Variants in ASB3 observed in about 807,000 individuals in gnomAD.
The protein encoded by ASB3 is ankyrin repeat and SOCS box protein 3.
In ASB3, 41 loss-of-function variants were observed where a neutral mutation model predicts 54.5. The ratio of observed to expected loss-of-function variants is 0.75; its 90% confidence interval spans 0.59 to 0.98. The LOEUF (loss-of-function observed/expected upper bound fraction) is 0.98, where lower values mean the gene tolerates loss of function less well. Ranked by LOEUF, ASB3 falls within the 50% of genes least tolerant of loss-of-function variation. ASB3 has a pLI of 0.00. For synonymous variants in ASB3, 266 were observed against 221.2 expected, an observed-to-expected ratio of 1.20 and a Z score of -1.80; for missense variants, 733 against 620.0, an observed-to-expected ratio of 1.18 and a Z score of -1.94.
intron 9 of ASB3, among the ~76,000 whole-genome samples, chr2:53,676,677 A>AT (rs2103640567): frequency 6.6e-6 from 1 of 152,310 alleles, no homozygotes; most frequent in East Asian, 1.9e-4. Flanking sequence ...ACTCATTGAT[A>AT]TCACCCAGAG....
In ASB3 at chr2:53,714,145, G is replaced by T. The variant is rs374568709; in HGVS notation, c.980+239C>A. ...TACTTAAATTGTACGTATTCCCTAA[G>T]ATTGCTACACTAAAAATATAATCCA... On this transcript the variant is annotated intron_variant, in intron 7 of 9. Transcript: ENST00000263634. 3.9e-4 allele frequency among the ~76,000 whole-genome samples: 60 copies of T among 152,176 alleles called. No individual in the cohort carries two copies. The South Asian group carries it at 0.011, about 29-fold the overall frequency.
At chr2:53,674,818 A>AT (rs1425510111) in intron 9 of ASB3, among the ~76,000 whole-genome samples, 2 of 152,136 alleles carry the variant, frequency 1.3e-5, no homozygotes, top group Non-Finnish European at 2.9e-5. Context: ...CTCATTGACT[A>AT]TAACTAAAAC....
intron 3 of ASB3, among the ~76,000 whole-genome samples, chr2:53,739,094 T>C (rs1176325231): frequency 6.6e-6 from 1 of 152,208 alleles, no homozygotes; most frequent in African/African-American, 2.4e-5. Context: ...TGAGAACATA[T>C]CCTGCAATAA....
chr2:53,759,155 A>C (rs1673000587), intron 2 of ASB3, among the ~76,000 whole-genome samples: 1 of 152,200 alleles, frequency 6.6e-6, no homozygotes, highest in African/African-American at 2.4e-5. Context: ...AAAGAGAACA[A>C]TTCTCCACAG....
chr2:53,711,332 T>C (rs1670083931), intron 7 of ASB3, among the ~76,000 whole-genome samples: 1 of 152,190 alleles, frequency 6.6e-6, no homozygotes, highest in African/African-American at 2.4e-5. Flanking sequence ...CTTTCTATTG[T>C]GTCTATGTTT....
chr2:53,737,266 G>A (rs916102867), intron 3 of ASB3, among the ~76,000 whole-genome samples: 13 of 152,128 alleles, frequency 8.5e-5, no homozygotes, highest in Admixed American at 3.9e-4. Flanking sequence ...TCCCCGTTAC[G>A]GTACAGTGAG....
intron 5 of ASB3, among the ~76,000 whole-genome samples, chr2:53,722,640 A>G (rs1046910033): frequency 2.0e-5 from 3 of 152,206 alleles, no homozygotes; most frequent in Non-Finnish European, 4.4e-5. Flanking sequence ...TCATGATAAA[A>G]ACAAAACAAA....
chr2:53,785,924 A>C (rs972343944), intron 1 of ASB3, among the ~76,000 whole-genome samples: 2 of 152,244 alleles, frequency 1.3e-5, no homozygotes, highest in African/African-American at 4.8e-5. Context: ...ATTAGCGAAT[A>C]ACAATTCTGA....
chr2:53,750,741 A>C lies in ASB3; in HGVS notation c.355+42T>G. The C allele has an allele frequency of 2.1e-6, 3 of 1,434,092 alleles. No individual in the cohort carries two copies. The South Asian group carries it at 5.3e-5, about 25-fold the overall frequency. 88.8% of individuals were successfully genotyped at this position (1,434,092 alleles called of 1,614,324 possible). A position where few individuals can be genotyped will look rare whatever the true frequency, so the allele number is the denominator to read the frequency against. ...AAGCTTAGTTTAACAAAAAAATAAT[A>C]ATGATGAAAAATTGCATCTGCACCA... On this transcript the variant is annotated intron_variant, in intron 3 of 9. Coordinates refer to ENST00000263634, the MANE Select transcript of ASB3 (RefSeq NM_016115.5).
chr2:53,744,384 C>CAAAAAAAAAAAAA (rs779225958), intron 3 of ASB3, among the ~76,000 whole-genome samples: 6 of 139,874 alleles, frequency 4.3e-5, no homozygotes, highest in African/African-American at 1.7e-4. Context: ...GACTCTGTCT[C>CAAAAAAAAAAAAA]AAAAAAATAA....
intron 5 of ASB3, among the ~76,000 whole-genome samples, chr2:53,724,712 T>C (rs1195062973): frequency 6.6e-6 from 1 of 151,156 alleles, no homozygotes; most frequent in Non-Finnish European, 1.5e-5. Context: ...ACCACAGAAA[T>C]GCAAATCAAA....
intron 9 of ASB3, among the ~76,000 whole-genome samples, chr2:53,685,881 A>G (rs1668606034): frequency 6.6e-6 from 1 of 152,222 alleles, no homozygotes; most frequent in Non-Finnish European, 1.5e-5. Flanking sequence ...GGTGGGTCTT[A>G]AAATTCCACA....
intron 3 of ASB3, among the ~76,000 whole-genome samples, chr2:53,732,678 C>A (rs1201347219): frequency 1.3e-5 from 2 of 152,148 alleles, no homozygotes; most frequent in Non-Finnish European, 2.9e-5. Context: ...ATTAAGAAAT[C>A]TGCTATCTGC....
chr2:53,725,500 A>G (rs926465788), intron 5 of ASB3, among the ~76,000 whole-genome samples: 11 of 152,222 alleles, frequency 7.2e-5, no homozygotes, highest in African/African-American at 2.4e-4. Flanking sequence ...TATATACGCC[A>G]TTGTATAAAG....
chr2:53,694,068 G>A lies in ASB3; in HGVS notation c.1239-54C>T, dbSNP rs925611129. The A allele has an allele frequency of 3.6e-5, 57 of 1,591,130 alleles. 1 individual carries two copies. The African/African-American group carries it at 6.7e-4, about 19-fold the overall frequency. ...TAGAAACAAAACATGCCAAGGGTTC[G>A]TACTTGAAACAAACACCACATACCT... is the stretch of plus-strand genomic sequence containing the variant. On this transcript the variant is annotated intron_variant, in intron 8 of 9. Coordinates refer to ENST00000263634, the MANE Select transcript of ASB3 (RefSeq NM_016115.5).
intron 9 of ASB3, among the ~76,000 whole-genome samples, chr2:53,671,023 A>G (rs371957173): frequency 2.0e-4 from 31 of 152,342 alleles, no homozygotes; most frequent in African/African-American, 7.0e-4. Context: ...CACAATAGCA[A>G]ATGCTACCTT....
At chr2:53,700,002 T>A (rs996319958) in intron 8 of ASB3, among the ~76,000 whole-genome samples, 6 of 152,196 alleles carry the variant, frequency 3.9e-5, no homozygotes, top group African/African-American at 1.4e-4. Context: ...GCATGAGGAA[T>A]GCCCAGAAGT....
Position 53,703,457 on chromosome 2 carries a change from A to G in ASB3, c.981-2929T>C, listed in dbSNP as rs187066334. ...AAAAGTTGAATTAGCTGAAAAAATA[A>G]TAAGGAAGAGAAAACTTAAAACCTG... On this transcript the variant is annotated intron_variant, in intron 7 of 9. Transcript: ENST00000263634. Among the ~76,000 whole-genome samples, 16 of 152,344 alleles carry G rather than the reference A, an allele frequency of 1.1e-4. No homozygotes were observed. In the East Asian group the frequency reaches 2.5e-3, roughly 24 times the overall value.
chr2:53,776,583 T>C (rs938891561), intron 1 of ASB3, among the ~76,000 whole-genome samples: 26 of 152,150 alleles, frequency 1.7e-4, no homozygotes, highest in Non-Finnish European at 7.4e-5. Flanking sequence ...TGTGATGGGA[T>C]GCTGTGAAGG....
Sources: allele counts gnomAD v4.1 joint callset (sites outside exome capture counted in the v4.1 genomes callset), GRCh38; gene constraint gnomAD v4.1.1; transcripts MANE v1.5; gene names NCBI Gene and HGNC (gene_info 2026-07-23, HGNC 2026-07-21).